Variants in PEAK1 observed in about 807,000 individuals in gnomAD.
PEAK1 encodes inactive tyrosine-protein kinase PEAK1.
PEAK1 carries 54 observed loss-of-function variants against 124.7 expected under a neutral mutation model. The observed-to-expected ratio is 0.43, with a 90% CI of 0.35 to 0.54. The LOEUF (loss-of-function observed/expected upper bound fraction) is 0.54. PEAK1 is among the 20% of genes least tolerant of loss of function. The probability of loss-of-function intolerance (pLI) is 0.01; values close to 1 mark genes in which losing one functional copy is unlikely to be tolerated. For missense variants in PEAK1, 2,046 were observed against 2,134.5 expected, an observed-to-expected ratio of 0.96 and a Z score of 0.82; for synonymous variants, 719 against 760.0, an observed-to-expected ratio of 0.95 and a Z score of 0.89.
chr15:77,147,464 C>T (rs887799400), intron 8 of PEAK1, among the ~76,000 whole-genome samples: 12 of 152,102 alleles, frequency 7.9e-5, no homozygotes, highest in African/African-American at 2.7e-4. Flanking sequence ...TGAAGGAGCG[C>T]TATCTCATTA....
chr15:77,224,510 T>C (rs2059541510), intron 6 of PEAK1, among the ~76,000 whole-genome samples: 1 of 152,094 alleles, frequency 6.6e-6, no homozygotes, highest in Non-Finnish European at 1.5e-5. Flanking sequence ...AAAGTCTGCC[T>C]TATTTGAGTA....
intron 5 of PEAK1, among the ~76,000 whole-genome samples, chr15:77,256,958 T>A (rs1261374196): frequency 6.8e-6 from 1 of 146,908 alleles, no homozygotes. Context: ...TTCCCACCTA[T>A]GAGTGAGAAC....
At chr15:77,150,301 G>A (rs891982909) in intron 8 of PEAK1, among the ~76,000 whole-genome samples, 1 of 152,212 alleles carries the variant, frequency 6.6e-6, no homozygotes, top group Non-Finnish European at 1.5e-5. Context: ...ATTCCAGCTG[G>A]TTAAACTCCT....
chr15:77,177,916 G>A (rs2056983577), intron 7 of PEAK1: 1 of 152,130 alleles, frequency 6.6e-6, no homozygotes, highest in African/African-American at 2.4e-5. Context: ...ATTATAAGGA[G>A]GATACATGCT....
rs1189490973 is a variant in PEAK1, at chr15:77,336,063, G to C, written c.-603+29100C>G. 5.1e-6 allele frequency: 5 copies of C among 985,298 alleles called. No individual in the cohort carries two copies. In the Admixed American group the frequency reaches 3.1e-4, roughly 61 times the overall value. 61.0% of individuals were successfully genotyped at this position (985,298 alleles called of 1,614,324 possible). ...TGAAGGTAAGATAACAAGAATAACA[G>C]TGCCATTAAAAGACTGCTATGAAAG... is the stretch of plus-strand genomic sequence containing the variant. On this transcript the variant is annotated intron_variant, in intron 2 of 9. Coordinates refer to ENST00000682557, the MANE Select transcript of PEAK1 (RefSeq NM_001385026.1).
chr15:77,261,666 C>G (rs986557564), intron 5 of PEAK1, among the ~76,000 whole-genome samples: 1 of 152,118 alleles, frequency 6.6e-6, no homozygotes, highest in African/African-American at 2.4e-5. Context: ...GAGAATGGAA[C>G]CAACTTGGAA....
At chr15:77,367,859 G>A (rs1263260716) in intron 1 of PEAK1, among the ~76,000 whole-genome samples, 1 of 152,114 alleles carries the variant, frequency 6.6e-6, no homozygotes, top group Non-Finnish European at 1.5e-5. Context: ...CATTCTAAGT[G>A]GTAGAGGGAT....
At chr15:77,311,302 T>C (rs1030685686) in intron 2 of PEAK1, among the ~76,000 whole-genome samples, 1 of 152,152 alleles carries the variant, frequency 6.6e-6, no homozygotes, top group Non-Finnish European at 1.5e-5. Flanking sequence ...GCTCTAAGTC[T>C]TAATTAAGGT....
At chr15:77,122,627 C>CA (rs1252530907) in intron 9 of PEAK1, among the ~76,000 whole-genome samples, 1 of 152,234 alleles carries the variant, frequency 6.6e-6, no homozygotes, top group East Asian at 1.9e-4. Context: ...CACAAACATC[C>CA]AAAACCTCTC....
exon 7 of PEAK1, chr15:77,101,309 GA>G (rs1287498030): frequency 6.6e-6 from 1 of 152,198 alleles, no homozygotes; most frequent in Non-Finnish European, 1.5e-5. Flanking sequence ...GAGATATTTG[GA>G]AAGCTGGAGA....
At chr15:77,227,868 T>TCAC (rs1168812327) in intron 6 of PEAK1, among the ~76,000 whole-genome samples, 3 of 151,826 alleles carry the variant, frequency 2.0e-5, no homozygotes, top group Admixed American at 2.0e-4. Flanking sequence ...ATGGTGGTGC[T>TCAC]CACCTATAGT....
chr15:77,304,394 T>C (rs2063956928), intron 2 of PEAK1, among the ~76,000 whole-genome samples: 1 of 152,078 alleles, frequency 6.6e-6, no homozygotes, highest in African/African-American at 2.4e-5. Context: ...GTATATTTTT[T>C]ATCAGTGCCT....
At chr15:77,418,265 C>T in intron 1 of PEAK1, 2 of 985,252 alleles carry the variant, frequency 2.0e-6, no homozygotes, top group Non-Finnish European at 2.4e-6. Context: ...ATTTTAGCCT[C>T]TAAGTTGGGA....
intron 5 of PEAK1, among the ~76,000 whole-genome samples, chr15:77,272,190 C>T (rs181377172): frequency 2.0e-5 from 3 of 152,234 alleles, no homozygotes; most frequent in East Asian, 3.9e-4. Context: ...TCTAAGGTCA[C>T]ACCTCAAGGA....
At chr15:77,244,449 C>G (rs1312240550) in intron 6 of PEAK1, among the ~76,000 whole-genome samples, 1 of 152,184 alleles carries the variant, frequency 6.6e-6, no homozygotes, top group Non-Finnish European at 1.5e-5. Flanking sequence ...GCACTTGGAG[C>G]TCATTGGGCT....
intron 2 of PEAK1, chr15:77,346,083 C>T (rs894595901): frequency 3.0e-6 from 3 of 985,282 alleles, no homozygotes; most frequent in South Asian, 4.7e-5. Context: ...GAAGGCACAA[C>T]GACTATGCCA....
intron 8 of PEAK1, among the ~76,000 whole-genome samples, chr15:77,149,621 T>C (rs1204681080): frequency 1.3e-5 from 2 of 152,212 alleles, no homozygotes; most frequent in Non-Finnish European, 2.9e-5. Flanking sequence ...CCCCTTAGCT[T>C]AGAACTATTG....
At chr15:77,159,782 C>T (rs1326536891) in intron 7 of PEAK1, among the ~76,000 whole-genome samples, 1 of 152,088 alleles carries the variant, frequency 6.6e-6, no homozygotes, top group African/African-American at 2.4e-5. Flanking sequence ...ACATATATCG[C>T]CTGTGGATTT....
chr15:77,297,608 A>G (rs1368074981), intron 2 of PEAK1, among the ~76,000 whole-genome samples: 1 of 151,564 alleles, frequency 6.6e-6, no homozygotes, highest in Non-Finnish European at 1.5e-5. Flanking sequence ...AAAATACAAA[A>G]ATTAGCTGGG....
Sources: gnomAD v4.1 joint callset for allele counts (sites outside exome capture counted in the v4.1 genomes callset) on GRCh38, gnomAD v4.1.1 for gene constraint, MANE v1.5 for transcripts, NCBI Gene and HGNC (gene_info 2026-07-23, HGNC 2026-07-21) for gene names.